Variants in CCT4 observed in about 807,000 individuals in gnomAD.
CCT4 encodes the protein chaperonin containing TCP1 subunit 4.
In CCT4, 17 loss-of-function variants were observed where a neutral mutation model predicts 62.5. That is an observed-to-expected ratio of 0.27 (90% CI 0.19 to 0.41). The LOEUF is 0.41. Ranked by LOEUF, CCT4 falls within the 10% of genes least tolerant of loss-of-function variation. CCT4 has a pLI of 1.00. For missense variants in CCT4, 592 were observed against 659.2 expected (o/e 0.90, Z 1.12); for synonymous variants, 250 against 229.9 (o/e 1.09, Z -0.79).
At chr2:61,885,165 C>T in intron 1 of CCT4, 93 bp from the exon 2 acceptor site, 2 of 920,124 alleles carry the variant, frequency 2.2e-6, no homozygotes, top group South Asian at 2.0e-5. Context: ...TGGCCTCAAA[C>T]TCCTGGGCTC....
chr2:61,887,870 A>G (rs1377650916), intron 1 of CCT4: 1 of 152,470 alleles, frequency 6.6e-6, no homozygotes, highest in Non-Finnish European at 1.5e-5. Flanking sequence ...ACGACACGTA[A>G]GTCGGTTCCC....
intron 4 of CCT4, among the ~76,000 whole-genome samples, chr2:61,879,256 C>CTTTTTTTTTTTTTTTTTTT (rs35373962): frequency 9.9e-6 from 1 of 101,078 alleles, no homozygotes; most frequent in African/African-American, 3.9e-5. Context: ...AAATTTTATA[C>CTTTTTTTTTTTTTTTTTTT]TTTTTTTTTT....
rs1392441039 is a variant in CCT4 at position 61,868,135 on chromosome 2, C to T, written c.*557G>A. ...GTAAGATTTGCTACATATATGTATA[C>T]ACTTTTATTTGCAGAAGGAATCCAA... On this transcript the variant is annotated 3_prime_UTR_variant, in exon 14 of 14. Transcript: ENST00000394440. 6.5e-6 allele frequency: 1 copy of T among 152,968 alleles called. No individual in the cohort carries two copies. The highest frequency in any genetic ancestry group is 1.5e-5 in the Non-Finnish European group (1 of 68,624). 9.5% of individuals were successfully genotyped at this position (152,968 alleles called of 1,614,324 possible).
At position 61,885,007 on chromosome 2, in the gene CCT4, C is replaced by T. The variant is rs533519218; in HGVS notation, c.180+13G>A. ...GTGCTCAATTAGTAGTATTCAATGA[C>T]TCAACTCTTTACCATTTTATCCATT... On this transcript the variant is annotated intron_variant, in intron 2 of 13. Transcript: ENST00000394440. 25 of 1,576,532 alleles carry T rather than the reference C, an allele frequency of 1.6e-5. No homozygotes were observed. The East Asian group carries it at 3.0e-4, about 19-fold the overall frequency.
At chr2:61,875,623 A>C (rs1668982061) in intron 8 of CCT4, among the ~76,000 whole-genome samples, 2 of 151,874 alleles carry the variant, frequency 1.3e-5, no homozygotes, top group South Asian at 2.1e-4. Context: ...TGCTATTAGA[A>C]GTGTGGTTTA....
At chr2:61,873,328 G>T in intron 8 of CCT4, 35 bp from the exon 9 acceptor site, 2 of 1,193,518 alleles carry the variant, frequency 1.7e-6, no homozygotes, top group Non-Finnish European at 2.4e-6. Context: ...GTCAATGCTA[G>T]ATTAAAAAAA....
intron 1 of CCT4, chr2:61,885,635 A>G (rs552019929): frequency 6.6e-6 from 1 of 152,352 alleles, no homozygotes; most frequent in South Asian, 2.1e-4. Flanking sequence ...GATGGTCTCA[A>G]TCTCTTGGCC....
intron 12 of CCT4, among the ~76,000 whole-genome samples, chr2:61,871,027 AAT>A (rs1668872997): frequency 6.6e-6 from 1 of 151,500 alleles, no homozygotes; most frequent in African/African-American, 2.4e-5. Context: ...TCATTCTATT[AAT>A]AGTTTTTTTT....
At chr2:61,880,242 T>A (rs113180214) in intron 4 of CCT4, 44 bp downstream of exon 4, 1 of 873,982 alleles carries the variant, frequency 1.1e-6, no homozygotes, top group African/African-American at 5.1e-5. Context: ...AAAGTTTGTT[T>A]TTTAAACTTT....
At chr2:61,882,805 C>T (rs1000070995) in intron 3 of CCT4, among the ~76,000 whole-genome samples, 6 of 141,142 alleles carry the variant, frequency 4.3e-5, no homozygotes, top group Non-Finnish European at 9.3e-5. Context: ...GCCACTGTGC[C>T]CAGCTTTTTT....
chr2:61,872,736 AC>A (rs1668910120), intron 10 of CCT4, 148 bp from the exon 11 acceptor site: 1 of 739,186 alleles, frequency 1.4e-6, no homozygotes, highest in Non-Finnish European at 2.2e-6. Flanking sequence ...GACCATCCTG[AC>A]TAACACAGTG....
intron 8 of CCT4, 32 bp from the exon 9 acceptor site, chr2:61,873,325 C>G: frequency 8.1e-7 from 1 of 1,227,886 alleles, no homozygotes; most frequent in Non-Finnish European, 1.2e-6. Flanking sequence ...TATGTCAATG[C>G]TAGATTAAAA....
chr2:61,868,891 C>T, intron 13 of CCT4, 185 bp from the exon 14 acceptor site: 1 of 537,878 alleles, frequency 1.9e-6, no homozygotes, highest in Admixed American at 3.0e-5. Context: ...AATCCCAGCA[C>T]TTTGGGAGGC....
At chr2:61,886,917 A>T (rs1422362210) in intron 1 of CCT4, among the ~76,000 whole-genome samples, 1 of 151,694 alleles carries the variant, frequency 6.6e-6, no homozygotes, top group Non-Finnish European at 1.5e-5. Context: ...ACGCCAACAC[A>T]CCCACCTAAT....
At chr2:61,879,740 CTCATT>C (rs1669073585) in intron 4 of CCT4, among the ~76,000 whole-genome samples, 1 of 149,242 alleles carries the variant, frequency 6.7e-6, no homozygotes, top group African/African-American at 2.5e-5. Context: ...ATTTCTACCA[CTCATT>C]TCTTTTTTTT....
At chr2:61,881,557 G>A (rs1669115981) in intron 3 of CCT4, among the ~76,000 whole-genome samples, 1 of 151,640 alleles carries the variant, frequency 6.6e-6, no homozygotes, top group African/African-American at 2.4e-5. Context: ...ACAAAATTTG[G>A]AAAATACAGA....
At chr2:61,870,752 CT>C (rs1668866986) in intron 12 of CCT4, among the ~76,000 whole-genome samples, 3 of 152,042 alleles carry the variant, frequency 2.0e-5, no homozygotes, top group Admixed American at 1.3e-4. Context: ...AACACCATAT[CT>C]ACTAAAAAAT....
chr2:61,881,637 G>C (rs747332569), intron 3 of CCT4, among the ~76,000 whole-genome samples: 53 of 152,148 alleles, frequency 3.5e-4, no homozygotes, highest in Middle Eastern at 6.8e-3. Context: ...CAGTATGTTG[G>C]TTTATTTCCA....
chr2:61,881,142 G>T (rs900457480), intron 3 of CCT4, among the ~76,000 whole-genome samples: 6 of 152,084 alleles, frequency 3.9e-5, no homozygotes, highest in African/African-American at 1.2e-4. Flanking sequence ...AACATATGAA[G>T]CCTCAGGACT....
Sources: allele counts gnomAD v4.1 joint callset (sites outside exome capture counted in the v4.1 genomes callset), GRCh38; gene constraint gnomAD v4.1.1; transcripts MANE v1.5; gene names NCBI Gene and HGNC (gene_info 2026-07-23, HGNC 2026-07-21).